The following DERL2 variants were observed in gnomAD, a reference collection of about 807,000 sequenced individuals.
DERL2 encodes the protein derlin-2.
A neutral mutation model predicts 32.0 loss-of-function variants in DERL2; 13 were observed. The ratio of observed to expected loss-of-function variants is 0.41; its 90% CI spans 0.26 to 0.65. The LOEUF (loss-of-function observed/expected upper bound fraction) is 0.65. Among genes scored for constraint, DERL2 ranks in the 30% least tolerant of loss-of-function variants. DERL2 has a pLI of 0.35. For synonymous variants in DERL2, 111 were observed against 104.7 expected (o/e 1.06, Z -0.37); for missense variants, 208 against 296.3 (o/e 0.70, Z 2.19).
rs1905159173 is a variant in DERL2, at chr17:5,472,316, A to G, written c.*2368T>C. 6.6e-6 allele frequency: 1 copy of G among 152,218 alleles called. No individual in the cohort carries two copies. Among genetic ancestry groups the G allele is most frequent in the Admixed American group, 6.5e-5 (1 of 15,284 alleles). 9.4% of individuals were successfully genotyped at this position (152,218 alleles called of 1,614,324 possible). On this transcript the variant is annotated 3_prime_UTR_variant, in exon 7 of 7. Coordinates refer to ENST00000158771, the MANE Select transcript of DERL2 (RefSeq NM_016041.5). ...TCAGTTTATTTGCATTGTGAAAGGG[A>G]AGTGTGTTCTGGAAGAACTAAGATT...
chr17:5,483,907 C>T (rs1044075382), intron 2 of DERL2, among the ~76,000 whole-genome samples: 4 of 152,184 alleles, frequency 2.6e-5, no homozygotes, highest in African/African-American at 7.2e-5. Context: ...CTTTACAGAC[C>T]ACTAAATTCT....
Position 5,486,126 on chromosome 17 carries a change from C to A in DERL2, c.36G>T (p.Gln12His). 6.2e-7 allele frequency: 1 copy of A among 1,610,746 alleles called. No homozygotes were observed. Among genetic ancestry groups the A allele is most frequent in the South Asian group, 1.1e-5 (1 of 90,816 alleles). Residue 12 changes from glutamine (Q) to histidine (H), a missense_variant, in exon 1 of 7, where the codon CAG becomes CAT. By Grantham distance (24) the Gln-to-His change is conservative. Around this residue, in one of 3 missense-constraint regions of DERL2, gnomAD observed 44 missense variants for 42.3 expected, o/e 1.04. Coordinates refer to ENST00000158771, the MANE Select transcript of DERL2 (RefSeq NM_016041.5). ...AYQSLRLEYLQIPPVSRAYTT... is the reference protein window; with the variant it reads ...AYQSLRLEYLHIPPVSRAYTT... Reference sequence around the variant, plus strand: ...TGTAGGCGCGGCTGACCGGTGGGATCTGCAGGTACTCCAGCCGCAAGCTCT... The same window carrying A: ...TGTAGGCGCGGCTGACCGGTGGGATATGCAGGTACTCCAGCCGCAAGCTCT...
intron 6 of DERL2, among the ~76,000 whole-genome samples, chr17:5,479,496 T>TA (rs11306765): frequency 0.016 from 1,104 of 69,278 alleles, 21 homozygotes; most frequent in African/African-American, 0.023. Flanking sequence ...AGACTCCATG[T>TA]AAAAAAAAAA....
chr17:5,479,458 A>G (rs1905612606), intron 6 of DERL2, among the ~76,000 whole-genome samples: 1 of 143,716 alleles, frequency 7.0e-6, no homozygotes. Flanking sequence ...TCAAAGTTCT[A>G]CTGCACTCCA....
In DERL2 at chr17:5,481,096, C is replaced by T. The variant is rs1258076585; in HGVS notation, c.327+200G>A. The T allele has an allele frequency of 1.6e-6, 1 of 615,968 alleles. No homozygotes were observed. The allele number at this position is 615,968 out of a possible 1,614,324, so 38.2% of individuals were successfully genotyped here. On this transcript the variant is annotated intron_variant, in intron 4 of 6. Transcript: ENST00000158771. This position sits in a 1 kb window ranked among gnomAD's most constrained non-coding sequence, Gnocchi z 4.4. ...ATATAACTGAGTTGCTTAACAGTAA[C>T]CCACCTGGGTTAAAAGTTCCTTTGA...
Position 5,486,137 on chromosome 17 carries a change from C to G in DERL2, c.25G>C (p.Glu9Gln), listed in dbSNP as rs1469857703. Reference sequence around the variant, plus strand: ...CTGACCGGTGGGATCTGCAGGTACTCCAGCCGCAAGCTCTGGTACGCCATC... The same window carrying G: ...CTGACCGGTGGGATCTGCAGGTACTGCAGCCGCAAGCTCTGGTACGCCATC... MAYQSLRL[E>Q]YLQIPPVSRA... Residue 9 changes from glutamate to glutamine, a missense_variant, in exon 1 of 7, where the codon GAG becomes CAG. By Grantham distance (29) the Glu-to-Gln change is conservative. Coordinates refer to ENST00000158771, the MANE Select transcript of DERL2 (RefSeq NM_016041.5). 1 of 1,610,052 alleles carries G rather than the reference C, an allele frequency of 6.2e-7. No individual in the cohort carries two copies. Among genetic ancestry groups the G allele is most frequent in the Non-Finnish European group, 8.5e-7 (1 of 1,178,350 alleles).
At position 5,481,214 on chromosome 17, in the gene DERL2, G is replaced by T; in HGVS notation, c.327+82C>A. 2.0e-6 allele frequency: 2 copies of T among 1,008,812 alleles called. No homozygotes were observed. The highest frequency in any genetic ancestry group is 3.1e-6 in the Non-Finnish European group (2 of 635,408). 62.5% of individuals were successfully genotyped at this position (1,008,812 alleles called of 1,614,324 possible). A position where few individuals can be genotyped will look rare whatever the true frequency, so the allele number is the denominator to read the frequency against. ...TAGTGCCCTGAAGCTAAGATCTAGAGAACTGTGGGAGACAGATGACAAGCT... is the reference window on the plus strand; with the variant it reads ...TAGTGCCCTGAAGCTAAGATCTAGATAACTGTGGGAGACAGATGACAAGCT... On this transcript the variant is annotated intron_variant, in intron 4 of 6. Transcript: ENST00000158771. This position sits in a 1 kb window ranked among gnomAD's most constrained non-coding sequence, Gnocchi z 4.4.
At position 5,481,394 on chromosome 17, in the gene DERL2, A is replaced by C. The variant is rs1028832430; in HGVS notation, c.234-5T>G. The C allele has an allele frequency of 6.2e-7, 1 of 1,607,622 alleles. No individual in the cohort carries two copies. Among genetic ancestry groups the C allele is most frequent in the African/African-American group, 1.3e-5 (1 of 74,786 alleles). On this transcript the variant is annotated splice_region_variant and splice_polypyrimidine_tract_variant and intron_variant, in intron 3 of 6. Transcript: ENST00000158771. The surrounding 1 kb of genome is among the most constrained non-coding windows in gnomAD (Gnocchi z 4.4). Reference sequence around the variant, plus strand: ...AGCATTCGACAGTAACGATATCTTAAGTTCCAAGTTAAGAAAATATTAAGC... The same window carrying C: ...AGCATTCGACAGTAACGATATCTTACGTTCCAAGTTAAGAAAATATTAAGC...
intron 1 of DERL2, 24 bp downstream of exon 1, chr17:5,486,045 G>A (rs760898151): frequency 1.2e-6 from 2 of 1,600,042 alleles, no homozygotes; most frequent in South Asian, 1.1e-5. Context: ...CAGATAATGA[G>A]AAGGTGGCAC....
chr17:5,479,869 A>C (rs1905654712), intron 6 of DERL2, among the ~76,000 whole-genome samples, 185 bp downstream of exon 6: 1 of 152,220 alleles, frequency 6.6e-6, no homozygotes. Context: ...GTCTTGCCAC[A>C]ACCCTGGCAC....
chr17:5,486,307 T>C (rs1415815609), upstream of DERL2: 25 of 578,554 alleles, frequency 4.3e-5, no homozygotes, highest in East Asian at 7.2e-5. Flanking sequence ...CCGCAATCCG[T>C]AGAGACCTAA....
chr17:5,474,543 T>C lies in DERL2; in HGVS notation c.*141A>G. 7 of 628,562 alleles carry C rather than the reference T, an allele frequency of 1.1e-5. No homozygotes were observed. Among genetic ancestry groups the C allele is most frequent in the Non-Finnish European group, 2.0e-5 (7 of 358,380 alleles). 38.9% of individuals were successfully genotyped at this position (628,562 alleles called of 1,614,324 possible). A position where few individuals can be genotyped will look rare whatever the true frequency, so the allele number is the denominator to read the frequency against. On this transcript the variant is annotated 3_prime_UTR_variant, in exon 7 of 7. Coordinates refer to ENST00000158771, the MANE Select transcript of DERL2 (RefSeq NM_016041.5). The surrounding 1 kb of genome is among the most constrained non-coding windows in gnomAD (Gnocchi z 4.3). Reference sequence around the variant, plus strand: ...TGGAAATGTCTTCTGGATTAGTCAGTGTACCATTTCATAAAGTGCTTCTGG... The same window carrying C: ...TGGAAATGTCTTCTGGATTAGTCAGCGTACCATTTCATAAAGTGCTTCTGG...
chr17:5,476,903 A>G (rs1050980119), intron 6 of DERL2, among the ~76,000 whole-genome samples: 7 of 152,192 alleles, frequency 4.6e-5, no homozygotes, highest in Non-Finnish European at 8.8e-5. Flanking sequence ...CCATGCACAC[A>G]TGGAGGTGGC....
Position 5,474,820 on chromosome 17 carries a change from C to G in DERL2, c.615-31G>C, listed in dbSNP as rs1396007928. 1.3e-6 allele frequency: 2 copies of G among 1,582,746 alleles called. No individual in the cohort carries two copies. Among genetic ancestry groups the G allele is most frequent in the South Asian group, 2.2e-5 (2 of 89,664 alleles). ...AGACAAGCAACAGATATAATTTGGT[C>G]CCAGAGTCATCTCAGGTCCAAAGTA... On this transcript the variant is annotated intron_variant, in intron 6 of 6. Transcript: ENST00000158771. This position sits in a 1 kb window ranked among gnomAD's most constrained non-coding sequence, Gnocchi z 4.3.
chr17:5,486,179 G>GGCCCCCCCCCC, upstream of DERL2: 1 of 1,540,444 alleles, frequency 6.5e-7, no homozygotes, highest in Non-Finnish European at 8.8e-7. Context: ...ACCGTCGCCT[G>GGCCCCCCCCCC]CCCCACCCCC....
chr17:5,484,643 T>C (rs928857310), intron 2 of DERL2, among the ~76,000 whole-genome samples: 2 of 152,266 alleles, frequency 1.3e-5, no homozygotes, highest in Non-Finnish European at 2.9e-5. Context: ...GTTAGTATGA[T>C]CTGATCCCTG....
rs573712827 is a variant in DERL2 at position 5,477,755 on chromosome 17, A to G, written c.614+2299T>C. 3 of 152,356 alleles carry G rather than the reference A, an allele frequency of 2.0e-5. No individual in the cohort carries two copies. In the East Asian group the frequency reaches 5.8e-4, roughly 29 times the overall value. The allele number at this position is 152,356 out of a possible 1,614,324, so 9.4% of individuals were successfully genotyped here. A position where few individuals can be genotyped will look rare whatever the true frequency, so the allele number is the denominator to read the frequency against. On this transcript the variant is annotated intron_variant, in intron 6 of 6. Coordinates refer to ENST00000158771, the MANE Select transcript of DERL2 (RefSeq NM_016041.5). ...AAAAAGCTAGAATGAACCATGAGGT[A>G]GTACTAGAAATGGGAGTATAGTATA...
Position 5,473,337 on chromosome 17 carries a change from T to C in DERL2, c.*1347A>G, listed in dbSNP as rs1905205400. The C allele has an allele frequency of 6.6e-6, 1 of 152,208 alleles. No homozygotes were observed. Among genetic ancestry groups the C allele is most frequent in the Non-Finnish European group, 1.5e-5 (1 of 68,036 alleles). 9.4% of individuals were successfully genotyped at this position (152,208 alleles called of 1,614,324 possible). On this transcript the variant is annotated 3_prime_UTR_variant, in exon 7 of 7. Transcript: ENST00000158771. ...AAACCTGCTGAGACTCAGGGAAGAC[T>C]TAATATTTAGGGGAAGTATTTATTG...
rs780528413 is a variant in DERL2 at position 5,486,166 on chromosome 17, C to A, written c.-5G>T. The A allele has an allele frequency of 6.3e-7, 1 of 1,591,024 alleles. No homozygotes were observed. The highest frequency in any genetic ancestry group is 2.3e-5 in the East Asian group (1 of 43,542). On this transcript the variant is annotated 5_prime_UTR_variant, in exon 1 of 7. Transcript: ENST00000158771. Reference sequence around the variant, plus strand: ...CCGCAAGCTCTGGTACGCCATCTTCCCCACCGTCGCCTGCCCCACCCCCCA... The same window carrying A: ...CCGCAAGCTCTGGTACGCCATCTTCACCACCGTCGCCTGCCCCACCCCCCA...
Sources: gnomAD v4.1 joint callset for allele counts (sites outside exome capture counted in the v4.1 genomes callset) on GRCh38, gnomAD v4.1.1 for gene constraint, gnomAD v4.1.1 regional missense constraint, Gnocchi (gnomAD v3.1) non-coding constraint, MANE v1.5 for transcripts, NCBI Gene and HGNC (gene_info 2026-07-23, HGNC 2026-07-21) for gene names.